The following ANGPTL6 variants were observed in gnomAD, a reference collection of about 807,000 sequenced individuals.
The protein encoded by ANGPTL6 is angiopoietin-related protein 6.
In ANGPTL6, 45 loss-of-function variants were observed where a neutral mutation model predicts 47.4. The observed-to-expected ratio is 0.95, with a 90% CI of 0.75 to 1.22. ANGPTL6 has a LOEUF of 1.22. Ranked by LOEUF, ANGPTL6 falls within the 50% of genes most tolerant of loss-of-function variation. The pLI, the probability that ANGPTL6 is intolerant of heterozygous loss-of-function variation, is 0.00. For missense variants in ANGPTL6, 698 were observed against 669.4 expected, an observed-to-expected ratio of 1.04 and a Z score of -0.47; for synonymous variants, 290 against 295.9, an observed-to-expected ratio of 0.98 and a Z score of 0.20.
At chr19:10,094,501 C>G in intron 3 of ANGPTL6, 1 of 527,314 alleles carries the variant, frequency 1.9e-6, no homozygotes, top group Non-Finnish European at 3.3e-6. Context: ...TAATATAAGT[C>G]CTGAATATGA....
At chr19:10,093,328 C>T (rs1366479079) in intron 5 of ANGPTL6, 21 bp downstream of exon 5, 19 of 1,602,864 alleles carry the variant, frequency 1.2e-5, no homozygotes, top group Non-Finnish European at 1.5e-5. Context: ...ATCCTCTCAC[C>T]AGAATAGGAG....
In ANGPTL6 at chr19:10,093,697, T is replaced by C. The variant is rs981433687; in HGVS notation, c.947A>G (p.Tyr316Cys). The change falls in exon 4 of 6, where the codon TAT becomes TGT. Residue 316 changes from tyrosine to cysteine, a missense_variant. Physicochemically the swap from Tyr to Cys is radical, Grantham distance 194 (BLOSUM62 -2). Transcript: ENST00000253109. ...CCTCTGCCCACCTGTGCCCACCTTA[T>C]AGTGCTGCCAGGTAGTGAAGAAGTT... is the stretch of plus-strand genomic sequence containing the variant. ...SVNFFTTWQH[Y>C]KAGFGRPDGE... 6.2e-7 allele frequency: 1 copy of C among 1,614,236 alleles called. No individual in the cohort carries two copies. The highest frequency in any genetic ancestry group is 8.5e-7 in the Non-Finnish European group (1 of 1,180,034).
chr19:10,103,401 C>T (rs536252903), upstream of ANGPTL6, among the ~76,000 whole-genome samples: 39 of 151,532 alleles, frequency 2.6e-4, no homozygotes, highest in African/African-American at 8.9e-4. Context: ...ACCATCCTTG[C>T]CAACATGCTA....
intron 2 of ANGPTL6, among the ~76,000 whole-genome samples, chr19:10,095,442 C>T (rs1447129792): frequency 6.6e-6 from 1 of 152,138 alleles, no homozygotes; most frequent in Non-Finnish European, 1.5e-5. Context: ...AAAGTGCAGA[C>T]AGAGCTGGGC....
rs558083228 is a variant in ANGPTL6 at position 10,097,870 on chromosome 19, T to C, written c.-10-1297A>G. The stretch of plus-strand genomic sequence containing the variant: ...TCCATCTCAAAAAAATAAAATAAAA[T>C]AAAATAATAAATATAAAAATAACAG... On this transcript the variant is annotated intron_variant, in intron 1 of 5. Transcript: ENST00000253109. 8.6e-5 allele frequency among the ~76,000 whole-genome samples: 13 copies of C among 151,116 alleles called. 1 individual carries two copies. The South Asian group carries it at 2.7e-3, about 32-fold the overall frequency.
Position 10,096,284 on chromosome 19 carries a change from G to T in ANGPTL6, c.280C>A (p.Arg94Ser), listed in dbSNP as rs1194544495. The change falls in exon 2 of 6, where the codon CGC (arginine) becomes AGC (serine). Residue 94 changes from arginine (R) to serine (S), a missense_variant. Coordinates refer to ENST00000253109, the MANE Select transcript of ANGPTL6 (RefSeq NM_031917.3). The stretch of plus-strand genomic sequence containing the variant: ...CCGCGGCTCTCCTTGCGCAGCGCGC[G>T]CACCTCGCCGGCCACGGCGCCGTCG... ...AADGAVAGEV[R>S]ALRKESRGLS... 2 of 1,215,428 alleles carry T rather than the reference G, an allele frequency of 1.6e-6. No individual in the cohort carries two copies. Among genetic ancestry groups the T allele is most frequent in the Non-Finnish European group, 1.0e-6 (1 of 979,342 alleles). The allele number at this position is 1,215,428 out of a possible 1,614,324, so 75.3% of individuals were successfully genotyped here.
upstream of ANGPTL6, among the ~76,000 whole-genome samples, chr19:10,104,318 G>GTGTA (rs1491279225): frequency 5.5e-4 from 10 of 18,222 alleles, no homozygotes; most frequent in African/African-American, 3.1e-3. Context: ...TGTGTGTGTG[G>GTGTA]TGTGTGTGTG....
In ANGPTL6 at chr19:10,093,455, G is replaced by C. The variant is rs1181319070; in HGVS notation, c.1116C>G (p.His372Gln). The stretch of plus-strand genomic sequence containing the variant: ...GGTACTGGCCAAGCCGCAGGCGGTA[G>C]TGGTCGCTCTCGGGTTCCAGGGAGA... ...DGFSLEPESD[H>Q]YRLRLGQYHG... Residue 372 changes from histidine (H) to glutamine (Q), a missense_variant, in exon 5 of 6, where the codon CAC (histidine) becomes CAG (glutamine). By Grantham distance (24) the His-to-Gln change is conservative. Coordinates refer to ENST00000253109, the MANE Select transcript of ANGPTL6 (RefSeq NM_031917.3). The C allele has an allele frequency of 5.0e-6, 8 of 1,614,130 alleles. No homozygotes were observed. Among genetic ancestry groups the C allele is most frequent in the African/African-American group, 1.3e-5 (1 of 74,952 alleles).
intron 1 of ANGPTL6, 56 bp from the exon 2 acceptor site, chr19:10,096,629 C>G: frequency 7.6e-7 from 1 of 1,318,964 alleles, no homozygotes; most frequent in Non-Finnish European, 9.9e-7. Context: ...AGCGAGACCC[C>G]TCCGCTTCCA....
intron 3 of ANGPTL6, among the ~76,000 whole-genome samples, chr19:10,094,292 G>T (rs182318326): frequency 1.3e-5 from 2 of 152,040 alleles, no homozygotes; most frequent in African/African-American, 4.8e-5. Context: ...GACTACAGGC[G>T]CCCGCCACCA....
At chr19:10,105,927 C>T (rs917077198), upstream of ANGPTL6, among the ~76,000 whole-genome samples, 18 of 152,182 alleles carry the variant, frequency 1.2e-4, no homozygotes, top group African/African-American at 4.1e-4. Flanking sequence ...ACAGCTGGCC[C>T]AGAGGAGTTG....
chr19:10,094,145 CTGGGGTTCTTTTTT>C (rs1303009910), intron 3 of ANGPTL6, among the ~76,000 whole-genome samples: 1 of 151,902 alleles, frequency 6.6e-6, no homozygotes, highest in Non-Finnish European at 1.5e-5. Context: ...AATGTCAAGT[CTGGGGTTCTTTTTT>C]TTTTTGAGAT....
intron 1 of ANGPTL6, among the ~76,000 whole-genome samples, chr19:10,099,164 A>T (rs534330559): frequency 4.4e-4 from 67 of 152,238 alleles, no homozygotes; most frequent in Admixed American, 1.2e-3. Context: ...TCTCTCTGAC[A>T]GCAGCCAGAG....
intron 1 of ANGPTL6, among the ~76,000 whole-genome samples, chr19:10,097,721 C>T (rs535286338): frequency 7.6e-4 from 115 of 151,884 alleles, no homozygotes; most frequent in African/African-American, 2.7e-3. Flanking sequence ...GGCGTGGTGG[C>T]GGGCACTTGT....
At chr19:10,100,245 CA>C (rs1371433066) in intron 1 of ANGPTL6, among the ~76,000 whole-genome samples, 1 of 149,250 alleles carries the variant, frequency 6.7e-6, no homozygotes, top group East Asian at 2.0e-4. Flanking sequence ...GACTCCATCT[CA>C]AAAAAAAAGA....
chr19:10,092,418 A>G lies in ANGPTL6; in HGVS notation c.*171T>C. On this transcript the variant is annotated 3_prime_UTR_variant, in exon 6 of 6. Coordinates refer to ENST00000253109, the MANE Select transcript of ANGPTL6 (RefSeq NM_031917.3). ...TTGGGGAGCCATCTGAGGCCAAGAT[A>G]TTGACGGGGGGGATTCCTGGGTCCC... 1.3e-6 allele frequency: 2 copies of G among 1,516,454 alleles called. No homozygotes were observed. Among genetic ancestry groups the G allele is most frequent in the East Asian group, 4.8e-5 (2 of 41,478 alleles). The allele number at this position is 1,516,454 out of a possible 1,614,324, so 93.9% of individuals were successfully genotyped here.
At chr19:10,095,648 T>C (rs1424058002) in intron 2 of ANGPTL6, among the ~76,000 whole-genome samples, 1 of 152,136 alleles carries the variant, frequency 6.6e-6, no homozygotes, top group Non-Finnish European at 1.5e-5. Flanking sequence ...GAATTCAGAA[T>C]AACACGGCTG....
chr19:10,093,325 C>CACCAGAATAGGAGTTCTCCTT (rs1204881054), intron 5 of ANGPTL6, 24 bp downstream of exon 5: 2 of 1,602,030 alleles, frequency 1.2e-6, no homozygotes. Context: ...CCTATCCTCT[C>CACCAGAATAGGAGTTCTCCTT]ACCAGAATAG....
In ANGPTL6 at chr19:10,092,446, T is replaced by C. The variant is rs2088411398; in HGVS notation, c.*143A>G. The stretch of plus-strand genomic sequence containing the variant: ...GACGGGGGGGATTCCTGGGTCCCAT[T>C]TTCAGCGCCCAGGGTCACAGATCCA... On this transcript the variant is annotated 3_prime_UTR_variant, in exon 6 of 6. Transcript: ENST00000253109. The C allele has an allele frequency of 3.3e-6, 5 of 1,521,096 alleles. No individual in the cohort carries two copies. The African/African-American group carries it at 7.0e-5, about 21-fold the overall frequency. 94.2% of individuals were successfully genotyped at this position (1,521,096 alleles called of 1,614,324 possible).
Sources: allele counts gnomAD v4.1 joint callset (sites outside exome capture counted in the v4.1 genomes callset), GRCh38; gene constraint gnomAD v4.1.1; transcripts MANE v1.5; gene names NCBI Gene and HGNC (gene_info 2026-07-23, HGNC 2026-07-21).